The following MEP1B variants were observed in gnomAD, a reference collection of about 807,000 sequenced individuals.
MEP1B encodes the protein N-benzoyl-L-tyrosyl-P-amino-benzoic acid hydrolase subunit beta.
A neutral mutation model predicts 84.6 loss-of-function variants in MEP1B; 80 were observed. That is an observed-to-expected ratio of 0.95 (90% confidence interval 0.79 to 1.14). MEP1B has a LOEUF of 1.14. Ranked by LOEUF, MEP1B falls within the 50% of genes most tolerant of loss-of-function variation. MEP1B has a pLI of 0.00. For missense variants in MEP1B, 766 were observed against 855.1 expected, an observed-to-expected ratio of 0.90 and a Z score of 1.30; for synonymous variants, 273 against 288.1, an observed-to-expected ratio of 0.95 and a Z score of 0.53.
chr18:32,213,903 C>A (rs2041056706), intron 11 of MEP1B, among the ~76,000 whole-genome samples: 1 of 152,120 alleles, frequency 6.6e-6, no homozygotes, highest in Non-Finnish European at 1.5e-5. Flanking sequence ...TAATCTTGAG[C>A]AAATAATCTC....
At chr18:32,219,201 T>A (rs1840457760) in intron 14 of MEP1B, among the ~76,000 whole-genome samples, 1 of 152,200 alleles carries the variant, frequency 6.6e-6, no homozygotes, top group African/African-American at 2.4e-5. Flanking sequence ...TACGAGTTTT[T>A]AAAGGGGACA....
At chr18:32,208,070 A>G (rs772047490) in intron 8 of MEP1B, 49 bp from the exon 9 acceptor site, 1 of 1,588,022 alleles carries the variant, frequency 6.3e-7, no homozygotes, top group Non-Finnish European at 8.6e-7. Context: ...TTTGTTACTT[A>G]GATTATCATG....
In MEP1B at chr18:32,210,544, G is replaced by A. The variant is rs1291734498; in HGVS notation, c.963G>A (p.Val321=). The A allele has an allele frequency of 5.6e-6, 9 of 1,613,788 alleles. No homozygotes were observed. The highest frequency in any genetic ancestry group is 2.5e-6 in the Non-Finnish European group (3 of 1,179,836). ...FMHFDSSSVN[V]GATAVLESRT... is the part of the protein sequence containing the mutation. ...ATTTCGATAGCAGCTCTGTAAATGT[G>A]GGGGCCACAGCAGTGCTGGAAAGTA... Residue 321 remains valine, a synonymous_variant, in exon 10 of 15, where the codon GTG becomes GTA. Coordinates refer to ENST00000269202, the MANE Select transcript of MEP1B (RefSeq NM_005925.3).
Position 32,192,719 on chromosome 18 carries a change from T to C in MEP1B, c.127+29T>C, listed in dbSNP as rs762471411. Reference sequence around the variant, plus strand: ...TGTGGATTTTTTTTACATAATCTCTTAAGTAGAGAGTTTGAATCCAATTTG... The same window carrying C: ...TGTGGATTTTTTTTACATAATCTCTCAAGTAGAGAGTTTGAATCCAATTTG... On this transcript the variant is annotated intron_variant, in intron 3 of 14. Transcript: ENST00000269202. 35 of 1,611,142 alleles carry C rather than the reference T, an allele frequency of 2.2e-5. No homozygotes were observed. In the South Asian group the frequency reaches 3.5e-4, roughly 16 times the overall value.
chr18:32,200,078 C>T (rs1004454391), intron 5 of MEP1B, among the ~76,000 whole-genome samples: 4 of 151,882 alleles, frequency 2.6e-5, no homozygotes, highest in African/African-American at 7.2e-5. Context: ...TTTTAAACAA[C>T]ATTATAAACA....
Position 32,213,545 on chromosome 18 carries a change from C to G in MEP1B, c.1565C>G (p.Pro522Arg). The change falls in exon 11 of 15, where the codon CCA (proline) becomes CGA (arginine). Residue 522 changes from proline to arginine, a missense_variant. Coordinates refer to ENST00000269202, the MANE Select transcript of MEP1B (RefSeq NM_005925.3). ...AATCAGCGGAGTATAACTACAGACC[C>G]ATTTATGACCACCGGTTCGTAACTC... The part of the protein sequence containing the change: ...MSNQRSITTD[P>R]FMTTDNGNYF... 1 of 1,609,078 alleles carries G rather than the reference C, an allele frequency of 6.2e-7. No individual in the cohort carries two copies. The highest frequency in any genetic ancestry group is 8.5e-7 in the Non-Finnish European group (1 of 1,175,602).
intron 9 of MEP1B, among the ~76,000 whole-genome samples, chr18:32,208,714 T>G (rs1236649620): frequency 6.6e-6 from 1 of 152,268 alleles, no homozygotes; most frequent in Non-Finnish European, 1.5e-5. Flanking sequence ...GCAGAGTTTA[T>G]TTAATTTTCT....
At chr18:32,200,049 A>C (rs2040896774) in intron 5 of MEP1B, among the ~76,000 whole-genome samples, 1 of 152,092 alleles carries the variant, frequency 6.6e-6, no homozygotes, top group African/African-American at 2.4e-5. Context: ...CATGTATTTA[A>C]CCATGAGCTT....
intron 7 of MEP1B, among the ~76,000 whole-genome samples, chr18:32,205,645 T>C (rs1452364623): frequency 6.6e-6 from 1 of 152,258 alleles, no homozygotes; most frequent in African/African-American, 2.4e-5. Context: ...AACACATCTT[T>C]ATGTTTTGGA....
intron 7 of MEP1B, among the ~76,000 whole-genome samples, chr18:32,205,532 A>G (rs1308402215): frequency 6.6e-6 from 1 of 152,220 alleles, no homozygotes; most frequent in African/African-American, 2.4e-5. Context: ...CAGCAAACTA[A>G]AAGATTTCTA....
intron 10 of MEP1B, among the ~76,000 whole-genome samples, chr18:32,211,066 C>G (rs2041021996): frequency 6.6e-6 from 1 of 152,094 alleles, no homozygotes; most frequent in African/African-American, 2.4e-5. Flanking sequence ...GAGTTTGAGA[C>G]CAGACTGGTC....
intron 6 of MEP1B, 26 bp from the exon 7 acceptor site, chr18:32,204,156 C>A (rs1159762154): frequency 6.3e-7 from 1 of 1,588,338 alleles, no homozygotes; most frequent in Non-Finnish European, 8.6e-7. Context: ...ATTCTCTTCC[C>A]CCTTTCTTGT....
chr18:32,194,719 A>G (rs762876550), intron 4 of MEP1B, among the ~76,000 whole-genome samples: 9 of 152,066 alleles, frequency 5.9e-5, no homozygotes, highest in Non-Finnish European at 8.8e-5. Flanking sequence ...TCATCCCTTC[A>G]TAGACGACTG....
chr18:32,203,212 A>C, intron 6 of MEP1B: 1 of 458,826 alleles, frequency 2.2e-6, no homozygotes, highest in Non-Finnish European at 3.9e-6. Context: ...CCTTTAGACA[A>C]AGTGGAAAGT....
intron 5 of MEP1B, among the ~76,000 whole-genome samples, chr18:32,198,820 CATT>C (rs1266983149): frequency 2.6e-5 from 4 of 152,196 alleles, no homozygotes; most frequent in Admixed American, 2.0e-4. Context: ...GAAGATGTGT[CATT>C]AGTGGGGTAA....
Position 32,196,147 on chromosome 18 carries a change from C to T in MEP1B, c.250+662C>T. The T allele has an allele frequency of 1.7e-6, 1 of 579,180 alleles. No individual in the cohort carries two copies. Among genetic ancestry groups the T allele is most frequent in the Non-Finnish European group, 3.2e-6 (1 of 311,146 alleles). The allele number at this position is 579,180 out of a possible 1,614,324, so 35.9% of individuals were successfully genotyped here. A position where few individuals can be genotyped will look rare whatever the true frequency, so the allele number is the denominator to read the frequency against. On this transcript the variant is annotated intron_variant, in intron 5 of 14. Coordinates refer to ENST00000269202, the MANE Select transcript of MEP1B (RefSeq NM_005925.3). The surrounding 1 kb of genome is among the most constrained non-coding windows in gnomAD (Gnocchi z 4.4). ...CTCCTTGGCCTCATCCCTGTTTCTG[C>T]TGGCCTTCTGGAGCTGGTGTCACTG...
In MEP1B at chr18:32,202,974, G is replaced by A. The variant is rs977924275; in HGVS notation, c.332G>A (p.Gly111Glu). ...KTCIDFKPWA[G>E]ETNYISVFKG... Reference sequence around the variant, plus strand: ...TGTATTGACTTTAAGCCTTGGGCTGGAGAAACAAACTATATATCAGTGTTC... The same window carrying A: ...TGTATTGACTTTAAGCCTTGGGCTGAAGAAACAAACTATATATCAGTGTTC... The change falls in exon 6 of 15, where the codon GGA becomes GAA. Residue 111 changes from glycine (G) to glutamate (E), a missense_variant. By Grantham distance (98) the Gly-to-Glu change is moderately conservative. Coordinates refer to ENST00000269202, the MANE Select transcript of MEP1B (RefSeq NM_005925.3). 6.2e-7 allele frequency: 1 copy of A among 1,612,000 alleles called. No individual in the cohort carries two copies. The highest frequency in any genetic ancestry group is 8.5e-7 in the Non-Finnish European group (1 of 1,178,960).
At chr18:32,199,658 CCTTTCGTTCGTT>C (rs143687941) in intron 5 of MEP1B, among the ~76,000 whole-genome samples, 4,892 of 81,964 alleles carry the variant, frequency 0.06, 198 homozygotes, top group East Asian at 0.17. Flanking sequence ...TCCTTTTTTT[CCTTTCGTTCGTT>C]CCTTCCTTCC....
chr18:32,201,330 A>ACACACACC (rs968346118), intron 5 of MEP1B, among the ~76,000 whole-genome samples: 3 of 151,554 alleles, frequency 2.0e-5, no homozygotes, highest in African/African-American at 7.3e-5. Context: ...ACACACACAC[A>ACACACACC]CACGGCATAC....
Sources: gnomAD v4.1 joint callset for allele counts (sites outside exome capture counted in the v4.1 genomes callset) on GRCh38, gnomAD v4.1.1 for gene constraint, Gnocchi (gnomAD v3.1) non-coding constraint, MANE v1.5 for transcripts, NCBI Gene and HGNC (gene_info 2026-07-23, HGNC 2026-07-21) for gene names.